The following SYT2 variants were observed in gnomAD, a reference collection of about 807,000 sequenced individuals.
SYT2 encodes synaptotagmin 2, also known as synaptotagmin-2.
In SYT2, 15 loss-of-function variants were observed where a neutral mutation model predicts 39.9. The ratio of observed to expected loss-of-function variants is 0.38; its 90% confidence interval spans 0.25 to 0.58. The LOEUF is 0.58. Ranked by LOEUF, SYT2 falls within the 20% of genes least tolerant of loss-of-function variation. The pLI, the probability that SYT2 is intolerant of heterozygous loss-of-function variation, is 0.70. For synonymous variants in SYT2, 181 were observed against 204.5 expected (o/e 0.89, Z 0.98); for missense variants, 389 against 530.3 (o/e 0.73, Z 2.62).
At chr1:202,700,044 C>T (rs1025461487) in intron 1 of SYT2, among the ~76,000 whole-genome samples, 2 of 152,110 alleles carry the variant, frequency 1.3e-5, no homozygotes, top group African/African-American at 2.4e-5. Context: ...GGCAGATAAA[C>T]GCAGGGTTGC....
intron 1 of SYT2, among the ~76,000 whole-genome samples, chr1:202,645,405 G>A (rs1367774730): frequency 6.6e-6 from 1 of 152,170 alleles, no homozygotes; most frequent in Non-Finnish European, 1.5e-5. Context: ...AGGGAGGATG[G>A]GACTCAAATT....
At chr1:202,661,307 CCACCTACTGGGTGG>C (rs573429117) in intron 1 of SYT2, among the ~76,000 whole-genome samples, 85 of 151,968 alleles carry the variant, frequency 5.6e-4, no homozygotes, top group Admixed American at 8.5e-4. Context: ...TTATCACTTG[CCACCTACTGGGTGG>C]CACCTACTGG....
chr1:202,604,271 G>GCC (rs200815646), intron 3 of SYT2, 184 bp downstream of exon 3: 35 of 630,464 alleles, frequency 5.6e-5, no homozygotes, highest in African/African-American at 4.9e-4. Context: ...CAGGAATAAG[G>GCC]CCCCCCCCTC....
chr1:202,614,956 A>G lies in SYT2; in HGVS notation c.-17-9167T>C, dbSNP rs1319512602. ...GTGGGAGGCCTTTTAGGGTGGGGGC[A>G]GGGGTAACATGTACAAATGTATATT... is the stretch of plus-strand genomic sequence containing the variant. On this transcript the variant is annotated intron_variant, in intron 1 of 8. Transcript: ENST00000367268. The surrounding 1 kb of genome is among the most constrained non-coding windows in gnomAD (Gnocchi z 4.0). Among the ~76,000 whole-genome samples, 1 of 152,198 alleles carries G rather than the reference A, an allele frequency of 6.6e-6. No homozygotes were observed. Among genetic ancestry groups the G allele is most frequent in the Non-Finnish European group, 1.5e-5 (1 of 68,026 alleles).
At chr1:202,631,890 C>A (rs1691603832) in intron 1 of SYT2, 1 of 390,962 alleles carries the variant, frequency 2.6e-6, no homozygotes, top group South Asian at 1.0e-4. Flanking sequence ...TCCCTTCCAA[C>A]CCTGAGAGCC....
intron 1 of SYT2, among the ~76,000 whole-genome samples, chr1:202,627,051 T>C (rs1488710340): frequency 6.6e-6 from 1 of 152,122 alleles, no homozygotes; most frequent in Non-Finnish European, 1.5e-5. Flanking sequence ...CAACGAGGGG[T>C]GCAGTGCTCG....
intron 1 of SYT2, among the ~76,000 whole-genome samples, chr1:202,679,318 C>A (rs377379570): frequency 6.6e-6 from 1 of 152,182 alleles, no homozygotes; most frequent in Non-Finnish European, 1.5e-5. Flanking sequence ...GCCCTCCCCC[C>A]ACCAATTGCA....
intron 1 of SYT2, among the ~76,000 whole-genome samples, chr1:202,689,936 C>T (rs980663276): frequency 1.3e-5 from 2 of 151,574 alleles, no homozygotes; most frequent in Admixed American, 1.3e-4. Flanking sequence ...ATCCAGGAGT[C>T]CTACACCTAC....
At chr1:202,707,188 T>TAG (rs1654274824) in intron 1 of SYT2, among the ~76,000 whole-genome samples, 1 of 152,196 alleles carries the variant, frequency 6.6e-6, no homozygotes. Context: ...GTAACATGTG[T>TAG]AGGGCCTGCG....
At chr1:202,658,198 T>A (rs1420406952) in intron 1 of SYT2, among the ~76,000 whole-genome samples, 1 of 152,068 alleles carries the variant, frequency 6.6e-6, no homozygotes, top group African/African-American at 2.4e-5. Context: ...GGTGGGTGGA[T>A]GACAAAGCTG....
chr1:202,604,984 T>A (rs1286190582), intron 2 of SYT2: 1 of 205,948 alleles, frequency 4.9e-6, no homozygotes, highest in African/African-American at 2.3e-5. Context: ...GATGGGATGA[T>A]GCTTATCAGT....
intron 1 of SYT2, among the ~76,000 whole-genome samples, chr1:202,659,970 G>C (rs1572663453): frequency 6.6e-6 from 1 of 152,172 alleles, no homozygotes; most frequent in African/African-American, 2.4e-5. Context: ...CTCCAGACCT[G>C]AGCTTGGCAC....
At chr1:202,678,215 A>T (rs1423938757) in intron 1 of SYT2, among the ~76,000 whole-genome samples, 1 of 136,010 alleles carries the variant, frequency 7.4e-6, no homozygotes, top group African/African-American at 2.7e-5. Flanking sequence ...CAGAGGTTGC[A>T]GTGAGCCGAG....
At chr1:202,686,292 G>A (rs1364643117) in intron 1 of SYT2, among the ~76,000 whole-genome samples, 1 of 152,150 alleles carries the variant, frequency 6.6e-6, no homozygotes, top group Non-Finnish European at 1.5e-5. Context: ...AAATTACCCA[G>A]CCGCAGATAT....
At chr1:202,691,815 G>A (rs1019262227) in intron 1 of SYT2, among the ~76,000 whole-genome samples, 3 of 149,250 alleles carry the variant, frequency 2.0e-5, no homozygotes, top group Non-Finnish European at 4.5e-5. Flanking sequence ...AGGAGCTGGA[G>A]AATAGAGGAG....
intron 1 of SYT2, among the ~76,000 whole-genome samples, chr1:202,640,387 C>A (rs1460424670): frequency 6.6e-6 from 1 of 152,150 alleles, no homozygotes; most frequent in African/African-American, 2.4e-5. Context: ...GTGCGACTTG[C>A]CTAAGGTCAC....
At chr1:202,683,298 C>T (rs1174308584) in intron 1 of SYT2, among the ~76,000 whole-genome samples, 1 of 152,208 alleles carries the variant, frequency 6.6e-6, no homozygotes, top group Non-Finnish European at 1.5e-5. Context: ...GGAAACAACA[C>T]AAATGTCATT....
intron 1 of SYT2, among the ~76,000 whole-genome samples, chr1:202,640,683 G>T (rs1411309071): frequency 1.4e-5 from 2 of 148,070 alleles, no homozygotes; most frequent in Non-Finnish European, 3.0e-5. Flanking sequence ...GGAAAGTCAG[G>T]CAGTCTCTCT....
intron 1 of SYT2, among the ~76,000 whole-genome samples, chr1:202,673,730 C>T (rs1206686541): frequency 2.0e-5 from 3 of 152,378 alleles, no homozygotes; most frequent in African/African-American, 4.8e-5. Context: ...TACTCTGTTC[C>T]CATGGCTGTC....
Sources: allele counts gnomAD v4.1 joint callset (sites outside exome capture counted in the v4.1 genomes callset), GRCh38; gene constraint gnomAD v4.1.1; non-coding constraint Gnocchi (gnomAD v3.1); transcripts MANE v1.5; gene names NCBI Gene and HGNC (gene_info 2026-07-23, HGNC 2026-07-21).